PRKCZ: variants seen among roughly 807,000 people sequenced by gnomAD.
PRKCZ encodes protein kinase C zeta type.
A neutral mutation model predicts 79.5 loss-of-function variants in PRKCZ; 33 were observed. That is an observed-to-expected ratio of 0.41 (90% CI 0.31 to 0.55). PRKCZ has a LOEUF of 0.55. Among genes scored for constraint, PRKCZ ranks in the 20% least tolerant of loss-of-function variants. The probability of loss-of-function intolerance (pLI) is 0.19; values close to 1 mark genes in which losing one functional copy is unlikely to be tolerated. For synonymous variants in PRKCZ, 342 were observed against 320.9 expected (o/e 1.07, Z -0.70); for missense variants, 578 against 813.5 (o/e 0.71, Z 3.52).
intron 4 of PRKCZ, among the ~76,000 whole-genome samples, chr1:2,121,519 A>AGGTCATGGTGGTAGGGTTATGGTAGTTAG (rs1553154019): frequency 1.9e-5 from 2 of 105,878 alleles, no homozygotes; most frequent in Non-Finnish European, 4.2e-5. Flanking sequence ...GTGGTACTTA[A>AGGTCATGGTGGTAGGGTTATGGTAGTTAG]GGTCATGGCA....
intron 16 of PRKCZ, among the ~76,000 whole-genome samples, chr1:2,181,112 A>C (rs907278294): frequency 8.0e-6 from 1 of 125,330 alleles, no homozygotes; most frequent in Non-Finnish European, 1.7e-5. Context: ...ACCTCCACCA[A>C]GCCACCAGCA....
At chr1:2,100,492 C>T (rs1667256725) in intron 4 of PRKCZ, among the ~76,000 whole-genome samples, 1 of 152,250 alleles carries the variant, frequency 6.6e-6, no homozygotes, top group Non-Finnish European at 1.5e-5. Flanking sequence ...CGGACGATCT[C>T]CTCCAGGCAC....
intron 9 of PRKCZ, among the ~76,000 whole-genome samples, chr1:2,151,788 T>C (rs562565085): frequency 6.6e-6 from 1 of 152,280 alleles, no homozygotes; most frequent in South Asian, 2.1e-4. Flanking sequence ...TCTGGAGTGT[T>C]GGGACTACAG....
intron 4 of PRKCZ, among the ~76,000 whole-genome samples, chr1:2,126,654 C>A (rs1308360034): frequency 6.6e-6 from 1 of 152,216 alleles, no homozygotes; most frequent in African/African-American, 2.4e-5. Context: ...ATGAGGGCAG[C>A]TGGATGCAGC....
chr1:2,054,061 C>T (rs1197437729), intron 1 of PRKCZ, among the ~76,000 whole-genome samples: 2 of 152,106 alleles, frequency 1.3e-5, no homozygotes, highest in Admixed American at 6.5e-5. Context: ...GTGTCAGGGC[C>T]GCGGCTGTGG....
intron 3 of PRKCZ, among the ~76,000 whole-genome samples, chr1:2,057,605 A>G (rs560723534): frequency 2.6e-5 from 4 of 152,070 alleles, no homozygotes; most frequent in Admixed American, 6.5e-5. Context: ...GTGGCTCACA[A>G]CTGTAATCCC....
intron 1 of PRKCZ, chr1:2,050,952 C>G (rs761634358): frequency 8.2e-6 from 3 of 366,064 alleles, no homozygotes; most frequent in Non-Finnish European, 1.5e-5. Context: ...CTCCTCGGCC[C>G]GGTCATTGTG....
At position 2,075,289 on chromosome 1, in the gene PRKCZ, T is replaced by C. The variant is rs2678943; in HGVS notation, c.334+15698T>C. 109,211 of 152,114 alleles carry C rather than the reference T, an allele frequency of 0.72. 40,763 individuals carry two copies. Among genetic ancestry groups the C allele is most frequent in the East Asian group, 0.98 (5,038 of 5,164 alleles). 9.4% of individuals were successfully genotyped at this position (152,114 alleles called of 1,614,324 possible). A position where few individuals can be genotyped will look rare whatever the true frequency, so the allele number is the denominator to read the frequency against. ...GCCATGCACAGCTGGCACGATCCCT[T>C]GCGGTGTGAATACACTGCTGGGGTG... is the stretch of plus-strand genomic sequence containing the variant. On this transcript the variant is annotated intron_variant, in intron 4 of 17. Coordinates refer to ENST00000378567, the MANE Select transcript of PRKCZ (RefSeq NM_002744.6). The surrounding 1 kb of genome is among the most constrained non-coding windows in gnomAD (Gnocchi z 4.8).
rs747853131 is a variant in PRKCZ, at chr1:2,185,011, G to A, written c.*2G>A. 36 of 1,610,638 alleles carry A rather than the reference G, an allele frequency of 2.2e-5. No individual in the cohort carries two copies. The highest frequency in any genetic ancestry group is 3.1e-5 in the Non-Finnish European group (36 of 1,178,192). On this transcript the variant is annotated 3_prime_UTR_variant, in exon 18 of 18. Coordinates refer to ENST00000378567, the MANE Select transcript of PRKCZ (RefSeq NM_002744.6). ...CTGTCCACCGAGGAGTCGGTGTGAG[G>A]CCGCGTGCGTCTCTGTCGTGGACAC...
At chr1:2,126,827 G>T (rs1288283382) in intron 4 of PRKCZ, among the ~76,000 whole-genome samples, 1 of 152,194 alleles carries the variant, frequency 6.6e-6, no homozygotes, top group Non-Finnish European at 1.5e-5. Flanking sequence ...CTGCATTGTG[G>T]CAGGGACACG....
At chr1:2,159,730 G>A (rs1681837818) in intron 10 of PRKCZ, among the ~76,000 whole-genome samples, 1 of 152,128 alleles carries the variant, frequency 6.6e-6, no homozygotes, top group Admixed American at 6.5e-5. Context: ...CAATTCATTC[G>A]CAGTTTTAAG....
At chr1:2,088,391 A>G (rs1664905956) in intron 4 of PRKCZ, among the ~76,000 whole-genome samples, 1 of 152,088 alleles carries the variant, frequency 6.6e-6, no homozygotes, top group East Asian at 1.9e-4. Flanking sequence ...CTTCCTGGGA[A>G]CCAAATCCCT....
chr1:2,120,990 T>A (rs1474217949), intron 4 of PRKCZ, among the ~76,000 whole-genome samples: 1 of 152,100 alleles, frequency 6.6e-6, no homozygotes, highest in Non-Finnish European at 1.5e-5. Flanking sequence ...ATTTTTATGT[T>A]TTTATTAGAG....
chr1:2,123,397 G>A (rs142623632), intron 4 of PRKCZ, among the ~76,000 whole-genome samples: 1 of 12,424 alleles, frequency 8.0e-5, no homozygotes, highest in Non-Finnish European at 1.3e-4. Flanking sequence ...TCGTGGCGGT[G>A]GTTAGGGTCA....
intron 4 of PRKCZ, among the ~76,000 whole-genome samples, chr1:2,104,250 C>T (rs1437973558): frequency 2.0e-5 from 3 of 152,062 alleles, no homozygotes; most frequent in African/African-American, 7.2e-5. Context: ...GGGAGCGGGT[C>T]GTCTCAAACA....
chr1:2,145,595 A>G (rs1678332657), intron 6 of PRKCZ: 1 of 180,716 alleles, frequency 5.5e-6, no homozygotes, highest in Non-Finnish European at 1.2e-5. Context: ...TACCCATTGT[A>G]ATGTGTAAAT....
rs143778042 is a variant in PRKCZ at position 2,057,792 on chromosome 1, C to T, written c.283+1219C>T. ...CTATCTCTGTTCACTGCAACCTCCA[C>T]CTCCCAGATATAAGCGATTGTCCTG... is the stretch of plus-strand genomic sequence containing the variant. On this transcript the variant is annotated intron_variant, in intron 3 of 17. Coordinates refer to ENST00000378567, the MANE Select transcript of PRKCZ (RefSeq NM_002744.6). 1.4e-3 allele frequency among the ~76,000 whole-genome samples: 217 copies of T among 152,272 alleles called. 2 individuals carry two copies. Among genetic ancestry groups the T allele is most frequent in the African/African-American group, 5.0e-3 (206 of 41,558 alleles).
Position 2,050,473 on chromosome 1 carries a change from C to A in PRKCZ, c.-158C>A. On this transcript the variant is annotated 5_prime_UTR_variant, in exon 1 of 18. Coordinates refer to ENST00000378567, the MANE Select transcript of PRKCZ (RefSeq NM_002744.6). The stretch of plus-strand genomic sequence containing the variant: ...GCCCCGCGCGCCCCCCGCTCCCGCC[C>A]CGCGCGCCGCCGGAGTTCCGCGGAG... 1 of 286,816 alleles carries A rather than the reference C, an allele frequency of 3.5e-6. No homozygotes were observed. Among genetic ancestry groups the A allele is most frequent in the Admixed American group, 5.6e-5 (1 of 17,842 alleles). The allele number at this position is 286,816 out of a possible 1,614,324, so 17.8% of individuals were successfully genotyped here.
At chr1:2,134,596 A>AAT (rs77334925) in intron 4 of PRKCZ, among the ~76,000 whole-genome samples, 32,248 of 152,110 alleles carry the variant, frequency 0.21, 3,529 homozygotes, top group Middle Eastern at 0.29. Flanking sequence ...AATGCATGTT[A>AAT]TAAAGATGAT....
Sources: gnomAD v4.1 joint callset for allele counts (sites outside exome capture counted in the v4.1 genomes callset) on GRCh38, gnomAD v4.1.1 for gene constraint, Gnocchi (gnomAD v3.1) non-coding constraint, MANE v1.5 for transcripts, NCBI Gene and HGNC (gene_info 2026-07-23, HGNC 2026-07-21) for gene names.